CSMD1: variants seen among roughly 807,000 people sequenced by gnomAD.
CSMD1 encodes the protein CUB and sushi domain-containing protein 1.
A neutral mutation model predicts 417.5 loss-of-function variants in CSMD1; 213 were observed. The ratio of observed to expected loss-of-function variants is 0.51; its 90% CI spans 0.46 to 0.57. CSMD1 has a LOEUF of 0.57. Ranked by LOEUF, CSMD1 falls within the 20% of genes least tolerant of loss-of-function variation. The pLI is 0.00. For missense variants in CSMD1, 6,923 were observed against 4,529.7 expected (o/e 1.53, Z -15.17); for synonymous variants, 2,862 against 1,736.8 (o/e 1.65, Z -16.11).
chr8:4,789,000 T>G (rs1797554977), intron 1 of CSMD1, among the ~76,000 whole-genome samples: 1 of 152,160 alleles, frequency 6.6e-6, no homozygotes, highest in Admixed American at 6.5e-5. Context: ...GTTAGGACTC[T>G]CAGCCTTGAA....
In CSMD1 at chr8:3,188,056, GTGTATATGTATATATATATACATA is replaced by G. The variant is rs557211058; in HGVS notation, c.5524-115_5524-92del. ...GGTTTTGGGGTTTTTCATGATTAAG[GTGTATATGTATATATATATACATA>G]TGTATATGTATATATATATACATAT... On this transcript the variant is annotated intron_variant, in intron 35 of 69. Coordinates refer to ENST00000635120, the MANE Select transcript of CSMD1 (RefSeq NM_033225.6). The G allele has an allele frequency of 7.5e-4, 486 of 651,522 alleles. 1 individual carries two copies. Among genetic ancestry groups the G allele is most frequent in the African/African-American group, 3.5e-3 (174 of 49,534 alleles). The allele number at this position is 651,522 out of a possible 1,614,324, so 40.4% of individuals were successfully genotyped here. A position where few individuals can be genotyped will look rare whatever the true frequency, so the allele number is the denominator to read the frequency against.
intron 1 of CSMD1, among the ~76,000 whole-genome samples, chr8:4,871,309 T>C (rs1465493939): frequency 6.6e-6 from 1 of 152,160 alleles, no homozygotes; most frequent in Non-Finnish European, 1.5e-5. Context: ...TCTTGCCTTC[T>C]TTCACGGATT....
At chr8:3,517,601 G>C (rs770548483) in intron 10 of CSMD1, among the ~76,000 whole-genome samples, 3 of 152,158 alleles carry the variant, frequency 2.0e-5, no homozygotes, top group Non-Finnish European at 2.9e-5. Context: ...TACAGGCTGA[G>C]GGAATAATAT....
At chr8:3,830,819 G>C (rs563737616) in intron 5 of CSMD1, among the ~76,000 whole-genome samples, 6 of 152,222 alleles carry the variant, frequency 3.9e-5, no homozygotes, top group Admixed American at 2.6e-4. Flanking sequence ...AAATAATTAG[G>C]AGTTATTAAG....
At chr8:4,641,265 A>C (rs184107945) in intron 1 of CSMD1, among the ~76,000 whole-genome samples, 2 of 152,044 alleles carry the variant, frequency 1.3e-5, no homozygotes, top group South Asian at 2.1e-4. Flanking sequence ...AGGCAACTGG[A>C]ATCTAAATCA....
At chr8:3,245,374 T>C (rs984179472) in intron 26 of CSMD1, among the ~76,000 whole-genome samples, 1 of 152,218 alleles carries the variant, frequency 6.6e-6, no homozygotes. Flanking sequence ...GAATTCTCCC[T>C]GCAGGAGATA....
chr8:3,460,365 G>T (rs987312570), intron 12 of CSMD1, among the ~76,000 whole-genome samples: 1 of 152,170 alleles, frequency 6.6e-6, no homozygotes, highest in South Asian at 2.1e-4. Context: ...GTGGTGGTGA[G>T]AGATGAAGAT....
At chr8:4,258,869 T>C (rs1803671308) in intron 3 of CSMD1, among the ~76,000 whole-genome samples, 1 of 152,144 alleles carries the variant, frequency 6.6e-6, no homozygotes, top group Non-Finnish European at 1.5e-5. Context: ...AAAAGTCTCA[T>C]CTCTACCTGG....
At chr8:3,832,919 G>A (rs760585931) in intron 5 of CSMD1, among the ~76,000 whole-genome samples, 7 of 152,058 alleles carry the variant, frequency 4.6e-5, no homozygotes, top group Non-Finnish European at 5.9e-5. Context: ...ATAGGAGTAC[G>A]TTTCCTTCAA....
chr8:3,436,674 T>C (rs1430326204), intron 12 of CSMD1, among the ~76,000 whole-genome samples: 1 of 152,178 alleles, frequency 6.6e-6, no homozygotes, highest in African/African-American at 2.4e-5. Flanking sequence ...GAGTCTTGTA[T>C]TGTTCTATAT....
At chr8:4,237,930 G>A (rs929193847) in intron 3 of CSMD1, among the ~76,000 whole-genome samples, 1 of 152,162 alleles carries the variant, frequency 6.6e-6, no homozygotes, top group African/African-American at 2.4e-5. Flanking sequence ...TCCTCTCACT[G>A]GCGGAGAAGC....
At chr8:4,777,806 T>C (rs756559256) in intron 1 of CSMD1, among the ~76,000 whole-genome samples, 1 of 152,218 alleles carries the variant, frequency 6.6e-6, no homozygotes, top group Non-Finnish European at 1.5e-5. Context: ...CAGGGAAGCA[T>C]GTGGTGTTTC....
At chr8:3,556,468 G>T (rs1799152542) in intron 10 of CSMD1, among the ~76,000 whole-genome samples, 1 of 143,802 alleles carries the variant, frequency 7.0e-6, no homozygotes, top group Non-Finnish European at 1.5e-5. Flanking sequence ...AATTTGTTCA[G>T]TCCTTAAGCC....
intron 3 of CSMD1, among the ~76,000 whole-genome samples, chr8:4,039,738 A>C (rs1353118486): frequency 6.6e-6 from 1 of 152,220 alleles, no homozygotes; most frequent in Non-Finnish European, 1.5e-5. Flanking sequence ...CCAAATAAGA[A>C]AGATAAATTG....
chr8:2,938,419 T>G lies in CSMD1; in HGVS notation c.*166A>C, dbSNP rs1801642759. ...GTGTAGTTTGATCCGTAGAAGACCC[T>G]GACACATTTGAGTAGAGATCCCCGC... On this transcript the variant is annotated 3_prime_UTR_variant, in exon 70 of 70. Coordinates refer to ENST00000635120, the MANE Select transcript of CSMD1 (RefSeq NM_033225.6). The G allele has an allele frequency of 3.1e-6, 2 of 638,544 alleles. No individual in the cohort carries two copies. The highest frequency in any genetic ancestry group is 2.3e-5 in the South Asian group (1 of 42,666). The allele number at this position is 638,544 out of a possible 1,614,324, so 39.6% of individuals were successfully genotyped here.
At chr8:4,050,184 G>T (rs576424420) in intron 3 of CSMD1, among the ~76,000 whole-genome samples, 167 of 152,168 alleles carry the variant, frequency 1.1e-3, no homozygotes, top group Non-Finnish European at 1.8e-3. Context: ...TTCCACTCTG[G>T]ATGTTGACTT....
At chr8:4,445,919 C>T (rs1195536385) in intron 2 of CSMD1, among the ~76,000 whole-genome samples, 1 of 152,134 alleles carries the variant, frequency 6.6e-6, no homozygotes, top group Non-Finnish European at 1.5e-5. Context: ...GTGACCTGGG[C>T]CTTTCAGCTG....
At position 4,540,218 on chromosome 8, in the gene CSMD1, G is replaced by C. The variant is rs139114891; in HGVS notation, c.302+97124C>G. 5.3e-5 allele frequency among the ~76,000 whole-genome samples: 8 copies of C among 152,282 alleles called. No individual in the cohort carries two copies. In the East Asian group the frequency reaches 1.5e-3, roughly 29 times the overall value. On this transcript the variant is annotated intron_variant, in intron 2 of 69. Transcript: ENST00000635120. ...GGGCTGGGATTTGCTTTAAACTGCT[G>C]CTGGTTTGCTCAGATAATGTGGTAG...
intron 7 of CSMD1, among the ~76,000 whole-genome samples, chr8:3,617,462 C>G (rs2291223): frequency 0.17 from 25,867 of 152,008 alleles, 2,497 homozygotes; most frequent in African/African-American, 0.26. Flanking sequence ...ATCAAACTAA[C>G]ACATTTCTTT....
Sources: allele counts gnomAD v4.1 joint callset (sites outside exome capture counted in the v4.1 genomes callset), GRCh38; gene constraint gnomAD v4.1.1; transcripts MANE v1.5; gene names NCBI Gene and HGNC (gene_info 2026-07-23, HGNC 2026-07-21).